The following FTO variants were observed in gnomAD, a reference collection of about 807,000 sequenced individuals.
FTO encodes alpha-ketoglutarate-dependent dioxygenase FTO.
A neutral mutation model predicts 63.9 loss-of-function variants in FTO; 47 were observed. That is an observed-to-expected ratio of 0.74 (90% CI 0.58 to 0.94). FTO has a LOEUF of 0.94. Ranked by LOEUF, FTO falls within the 40% of genes least tolerant of loss-of-function variation. The pLI, the probability that FTO is intolerant of heterozygous loss-of-function variation, is 0.00. For missense variants in FTO, 562 were observed against 618.1 expected, an observed-to-expected ratio of 0.91 and a Z score of 0.96; for synonymous variants, 207 against 224.4, an observed-to-expected ratio of 0.92 and a Z score of 0.69.
intron 8 of FTO, among the ~76,000 whole-genome samples, chr16:53,977,291 T>C (rs1257510248): frequency 6.6e-6 from 1 of 152,200 alleles, no homozygotes; most frequent in East Asian, 1.9e-4. Context: ...TATTACATTA[T>C]TGGATCTTAT....
chr16:53,709,902 CAATT>C (rs1214527973), intron 1 of FTO, among the ~76,000 whole-genome samples: 1 of 152,134 alleles, frequency 6.6e-6, no homozygotes, highest in Non-Finnish European at 1.5e-5. Flanking sequence ...TAAACACAAT[CAATT>C]GTTAATTTCA....
intron 1 of FTO, among the ~76,000 whole-genome samples, chr16:53,809,684 G>A (rs115564065): frequency 0.032 from 4,881 of 152,250 alleles, 89 homozygotes; most frequent in South Asian, 0.08. Context: ...ACTCATGCCT[G>A]TAATCCCAGC....
intron 8 of FTO, chr16:54,008,436 C>T (rs1599193666): frequency 6.6e-6 from 1 of 150,504 alleles, no homozygotes; most frequent in East Asian, 2.0e-4. Flanking sequence ...AGTGTATAAG[C>T]TTCGTTTATA....
chr16:53,977,366 A>T (rs570754985), intron 8 of FTO, among the ~76,000 whole-genome samples: 11 of 152,288 alleles, frequency 7.2e-5, no homozygotes, highest in African/African-American at 2.4e-4. Flanking sequence ...TATATGCAGG[A>T]ACTTAATTTG....
chr16:53,939,710 T>C (rs2082480970), intron 8 of FTO, among the ~76,000 whole-genome samples: 1 of 152,242 alleles, frequency 6.6e-6, no homozygotes. Context: ...AATGAAATCA[T>C]ACAATACGTG....
At chr16:54,108,108 G>C (rs1370857707) in intron 8 of FTO, among the ~76,000 whole-genome samples, 2 of 152,190 alleles carry the variant, frequency 1.3e-5, no homozygotes. Context: ...TTAGAATCCT[G>C]TTGGTGGAAC....
intron 8 of FTO, among the ~76,000 whole-genome samples, chr16:54,014,850 C>CTTTTTT (rs149634902): frequency 1.7e-4 from 18 of 102,918 alleles, no homozygotes; most frequent in Non-Finnish European, 2.7e-4. Flanking sequence ...CTCTCTCTCT[C>CTTTTTT]TTTTTTTTTT....
chr16:54,017,886 G>T (rs113412124), intron 8 of FTO, among the ~76,000 whole-genome samples: 5 of 151,768 alleles, frequency 3.3e-5, no homozygotes, highest in African/African-American at 1.2e-4. Context: ...AATAATGCAG[G>T]GTAGAAATTT....
intron 8 of FTO, among the ~76,000 whole-genome samples, chr16:53,973,677 C>T (rs565491426): frequency 9.2e-5 from 14 of 151,878 alleles, no homozygotes; most frequent in African/African-American, 3.4e-4. Context: ...ATTCAGTTGC[C>T]AACAGGGAAG....
intron 8 of FTO, among the ~76,000 whole-genome samples, chr16:53,936,440 C>T (rs927408835): frequency 1.3e-5 from 2 of 152,164 alleles, no homozygotes; most frequent in African/African-American, 2.4e-5. Flanking sequence ...CCATGCGATC[C>T]GTATAAACAG....
intron 8 of FTO, among the ~76,000 whole-genome samples, chr16:53,969,644 C>T (rs1274769266): frequency 6.6e-6 from 1 of 152,176 alleles, no homozygotes; most frequent in Non-Finnish European, 1.5e-5. Context: ...GGACCTATAT[C>T]CTCCAGTGTC....
At position 53,746,118 on chromosome 16, in the gene FTO, G is replaced by A. The variant is rs1258407211; in HGVS notation, c.45+41889G>A. 7.2e-5 allele frequency among the ~76,000 whole-genome samples: 11 copies of A among 152,284 alleles called. No individual in the cohort carries two copies. In the East Asian group the frequency reaches 1.7e-3, roughly 24 times the overall value. ...CTAGAGGAGTGTAATCTTCCTCTGAGCACACTGGAAGATTACAGTTCCCAG... is the reference window on the plus strand; with the variant it reads ...CTAGAGGAGTGTAATCTTCCTCTGAACACACTGGAAGATTACAGTTCCCAG... On this transcript the variant is annotated intron_variant, in intron 1 of 8. Coordinates refer to ENST00000471389, the MANE Select transcript of FTO (RefSeq NM_001080432.3).
intron 7 of FTO, among the ~76,000 whole-genome samples, chr16:53,890,295 C>T (rs375122149): frequency 5.3e-5 from 8 of 152,192 alleles, no homozygotes; most frequent in South Asian, 2.1e-4. Flanking sequence ...AAAAGCTGTA[C>T]GTATTTAATG....
chr16:53,879,367 C>T (rs2080758627), intron 5 of FTO, among the ~76,000 whole-genome samples: 1 of 152,124 alleles, frequency 6.6e-6, no homozygotes, highest in Non-Finnish European at 1.5e-5. Flanking sequence ...ACAGGCCACT[C>T]TAGTAATTCT....
intron 8 of FTO, among the ~76,000 whole-genome samples, chr16:54,092,174 T>G (rs1257924406): frequency 6.6e-6 from 1 of 152,162 alleles, no homozygotes; most frequent in Non-Finnish European, 1.5e-5. Flanking sequence ...TCCCAGCTAC[T>G]TGGGGGGCTG....
chr16:53,725,309 T>A (rs1422961541), intron 1 of FTO, among the ~76,000 whole-genome samples: 1 of 152,224 alleles, frequency 6.6e-6, no homozygotes, highest in Non-Finnish European at 1.5e-5. Context: ...TAAGGAATTT[T>A]CCCACTCAGA....
chr16:54,060,997 G>A (rs1008695209), intron 8 of FTO, among the ~76,000 whole-genome samples: 1 of 152,118 alleles, frequency 6.6e-6, no homozygotes, highest in East Asian at 1.9e-4. Flanking sequence ...ATTGGCTTTC[G>A]ATGGGCAACA....
At chr16:53,989,339 A>G (rs2083747486) in intron 8 of FTO, among the ~76,000 whole-genome samples, 1 of 152,330 alleles carries the variant, frequency 6.6e-6, no homozygotes, top group Middle Eastern at 3.4e-3. Flanking sequence ...TCACCAGCAG[A>G]CGACATAAAG....
At chr16:54,104,313 CTT>C (rs71146725) in intron 8 of FTO, among the ~76,000 whole-genome samples, 1,378 of 132,010 alleles carry the variant, frequency 0.01, 27 homozygotes, top group African/African-American at 0.037. Flanking sequence ...CCTGAGGCCT[CTT>C]TTTTTTTTTT....
Sources: allele counts gnomAD v4.1 joint callset (sites outside exome capture counted in the v4.1 genomes callset), GRCh38; gene constraint gnomAD v4.1.1; transcripts MANE v1.5; gene names NCBI Gene and HGNC (gene_info 2026-07-23, HGNC 2026-07-21).